The following TENT5D variants were observed in gnomAD, a reference collection of about 807,000 sequenced individuals.
TENT5D encodes cancer/testis antigen 112.
For missense variants in TENT5D, 191 were observed against 287.0 expected (o/e 0.67, Z 2.42); for synonymous variants, 103 against 100.6 (o/e 1.02, Z -0.15).
intron 3 of TENT5D, among the ~76,000 whole-genome samples, chrX:80,353,015 A>G (rs1383465296): frequency 2.7e-5 from 3 of 111,736 alleles, no homozygotes; most frequent in Non-Finnish European, 3.8e-5. Context: ...CCACTGCCTA[A>G]CCAGTCCCAA....
intron 2 of TENT5D, among the ~76,000 whole-genome samples, chrX:80,336,355 A>T: frequency 9.0e-6 from 1 of 110,752 alleles, no homozygotes; most frequent in Non-Finnish European, 1.9e-5. Context: ...CTAACTACAA[A>T]CCTTCGATGC....
At chrX:80,402,437 A>G (rs981446949) in intron 3 of TENT5D, among the ~76,000 whole-genome samples, 1 of 111,812 alleles carries the variant, frequency 8.9e-6, no homozygotes, top group Admixed American at 9.5e-5. Flanking sequence ...CCTTCTGCTA[A>G]CATTGGACTT....
upstream of TENT5D, among the ~76,000 whole-genome samples, chrX:80,416,437 T>C (rs1273226997): frequency 9.2e-6 from 1 of 108,927 alleles, no homozygotes; most frequent in East Asian, 2.9e-4. Context: ...TTTAGTGTTA[T>C]AAACTTCCCT....
chrX:80,357,258 A>G (rs1225770288), intron 3 of TENT5D, among the ~76,000 whole-genome samples: 1 of 111,089 alleles, frequency 9.0e-6, no homozygotes, highest in Non-Finnish European at 1.9e-5. Context: ...ATGATTTATA[A>G]TCCTTTGGGT....
At chrX:80,444,667 A>G (rs1932352323) in exon 3 of TENT5D, 1 of 122,830 alleles carries the variant, frequency 8.1e-6, no homozygotes, top group Non-Finnish European at 1.9e-5. Flanking sequence ...AAATATTTTC[A>G]TTGTAACTAA....
At position 80,385,426 on chromosome X, in the gene TENT5D, A is replaced by G. The variant is rs754483249; in HGVS notation, c.-142+42862A>G. On this transcript the variant is annotated intron_variant, in intron 3 of 4. Coordinates refer to the TENT5D transcript ENST00000538312. ...CACCTTATACAAAAATCAATTCAAG[A>G]TGGATTAAAGAGTTAAATGTTAGAC... Among the ~76,000 whole-genome samples the G allele has an allele frequency of 1.8e-4, 20 of 111,998 alleles. No individual in the cohort carries two copies. The South Asian group carries it at 7.4e-3, about 42-fold the overall frequency.
At chrX:80,336,226 C>T (rs1215692989) in intron 2 of TENT5D, among the ~76,000 whole-genome samples, 1 of 110,896 alleles carries the variant, frequency 9.0e-6, no homozygotes, top group Non-Finnish European at 1.9e-5. Context: ...GGGAAATAAG[C>T]ATCTAATTGG....
exon 3 of TENT5D, chrX:80,443,055 T>C (rs1932318988): frequency 8.3e-7 from 1 of 1,209,574 alleles, no homozygotes; most frequent in Non-Finnish European, 1.1e-6. Flanking sequence ...TTGAATTTAG[T>C]GTAGATTCCT....
intron 3 of TENT5D, among the ~76,000 whole-genome samples, chrX:80,398,303 C>T (rs965477551): frequency 4.5e-5 from 5 of 111,908 alleles, no homozygotes; most frequent in Non-Finnish European, 9.4e-5. Context: ...GGATGTTAAT[C>T]CCCTGTCAGA....
intron 3 of TENT5D, among the ~76,000 whole-genome samples, chrX:80,409,904 G>A (rs1420723718): frequency 1.9e-5 from 2 of 106,921 alleles, no homozygotes; most frequent in Non-Finnish European, 3.9e-5. Flanking sequence ...CAGAGATATA[G>A]ATCAATGGAA....
At chrX:80,342,150 T>TA (rs778129681) in intron 2 of TENT5D, among the ~76,000 whole-genome samples, 24 of 111,895 alleles carry the variant, frequency 2.1e-4, no homozygotes, top group Non-Finnish European at 2.8e-4. Flanking sequence ...GAATTTATTT[T>TA]AAAAAAAGGA....
At chrX:80,388,049 T>A (rs1279032430) in intron 3 of TENT5D, among the ~76,000 whole-genome samples, 4 of 110,842 alleles carry the variant, frequency 3.6e-5, no homozygotes, top group Non-Finnish European at 5.7e-5. Context: ...AGGATAACAC[T>A]GATGTTCATT....
At chrX:80,428,827 CAG>C (rs1932031389) in intron 1 of TENT5D, among the ~76,000 whole-genome samples, 1 of 111,999 alleles carries the variant, frequency 8.9e-6, no homozygotes, top group Non-Finnish European at 1.9e-5. Flanking sequence ...TGAAGTCTGA[CAG>C]AGCTGAGCTT....
In TENT5D at chrX:80,383,932, A is replaced by T. The variant is rs769345057; in HGVS notation, c.-142+41368A>T. On this transcript the variant is annotated intron_variant, in intron 3 of 4. Transcript: ENST00000538312. ...TTGAGGCAATAATTAATAGCTTACC[A>T]ACCAAAAAAAGTCCAGGACCAGATG... Among the ~76,000 whole-genome samples the T allele has an allele frequency of 1.2e-4, 13 of 111,306 alleles. No individual in the cohort carries two copies. In the South Asian group the frequency reaches 4.2e-3, roughly 36 times the overall value.
At chrX:80,424,292 T>A (rs911738388) in intron 1 of TENT5D, among the ~76,000 whole-genome samples, 1 of 111,792 alleles carries the variant, frequency 8.9e-6, no homozygotes, top group South Asian at 3.7e-4. Context: ...GAAACAAGGA[T>A]GGAGGTAAAG....
At chrX:80,442,436 A>G (rs1932302382) in intron 2 of TENT5D, 86 bp from the exon 3 acceptor site, 1 of 575,943 alleles carries the variant, frequency 1.7e-6, no homozygotes, top group African/African-American at 2.3e-5. Context: ...TGTTGAGGGT[A>G]AGTCTATTTT....
chrX:80,398,178 C>A (rs1462090431), intron 3 of TENT5D, among the ~76,000 whole-genome samples: 1 of 112,068 alleles, frequency 8.9e-6, no homozygotes, highest in Non-Finnish European at 1.9e-5. Context: ...TGATGTTGAA[C>A]ATTTTTTCAA....
At chrX:80,408,599 A>C (rs1403446971) in intron 3 of TENT5D, among the ~76,000 whole-genome samples, 1 of 110,880 alleles carries the variant, frequency 9.0e-6, no homozygotes, top group African/African-American at 3.3e-5. Flanking sequence ...AATTGTGGCA[A>C]TAATCAATAG....
At chrX:80,336,862 A>G (rs775292150) in intron 2 of TENT5D, among the ~76,000 whole-genome samples, 1 of 112,188 alleles carries the variant, frequency 8.9e-6, no homozygotes, top group Non-Finnish European at 1.9e-5. Flanking sequence ...ATCTGAAGAT[A>G]TTTGTTGTTA....
Sources: allele counts gnomAD v4.1 joint callset (sites outside exome capture counted in the v4.1 genomes callset), GRCh38; gene constraint gnomAD v4.1.1; transcripts MANE v1.5; gene names NCBI Gene and HGNC (gene_info 2026-07-23, HGNC 2026-07-21).